Variants in CTNNA3 observed in about 807,000 individuals in gnomAD.
The protein encoded by CTNNA3 is catenin alpha-3.
In CTNNA3, 76 loss-of-function variants were observed where a neutral mutation model predicts 95.7. The ratio of observed to expected loss-of-function variants is 0.79; its 90% CI spans 0.66 to 0.96. The LOEUF (loss-of-function observed/expected upper bound fraction) is 0.96, where lower values mean the gene tolerates loss of function less well. Among genes scored for constraint, CTNNA3 ranks in the 40% least tolerant of loss-of-function variants. The probability of loss-of-function intolerance (pLI) is 0.00; values close to 1 mark genes in which losing one functional copy is unlikely to be tolerated. For missense variants in CTNNA3, 1,191 were observed against 1,089.8 expected, an observed-to-expected ratio of 1.09 and a Z score of -1.31; for synonymous variants, 431 against 374.4, an observed-to-expected ratio of 1.15 and a Z score of -1.74.
At chr10:67,022,338 T>A (rs1249881593) in intron 7 of CTNNA3, among the ~76,000 whole-genome samples, 2 of 152,068 alleles carry the variant, frequency 1.3e-5, no homozygotes, top group African/African-American at 4.8e-5. Flanking sequence ...TGCCTCTGTG[T>A]GTGTGTGTGT....
rs1350988516 is a variant in CTNNA3, at chr10:67,744,105, C to A, written c.-2+19329G>T. Among the ~76,000 whole-genome samples, 2 of 151,240 alleles carry A rather than the reference C, an allele frequency of 1.3e-5. 1 individual carries two copies. The highest frequency in any genetic ancestry group is 3.0e-5 in the Non-Finnish European group (2 of 67,724). ...AGGTAATTTATAGATTCAATGCCAT[C>A]CCCATCAAGCTGCCAATGACTTTCT... On this transcript the variant is annotated intron_variant, in intron 1 of 17. Coordinates refer to the CTNNA3 transcript ENST00000684154.
At chr10:66,039,510 T>C (rs10822699) in intron 15 of CTNNA3, among the ~76,000 whole-genome samples, 38,516 of 152,086 alleles carry the variant, frequency 0.25, 4,991 homozygotes, top group South Asian at 0.32. Flanking sequence ...AACAGCATGG[T>C]AATGGTACAA....
chr10:66,784,911 T>C (rs926360520), intron 7 of CTNNA3, among the ~76,000 whole-genome samples: 1 of 152,186 alleles, frequency 6.6e-6, no homozygotes, highest in Non-Finnish European at 1.5e-5. Flanking sequence ...CAGCTGAGAT[T>C]CAGTGGACAC....
intron 7 of CTNNA3, among the ~76,000 whole-genome samples, chr10:66,832,946 G>A (rs1279630598): frequency 6.6e-6 from 1 of 152,068 alleles, no homozygotes; most frequent in Non-Finnish European, 1.5e-5. Flanking sequence ...ATTTGAGCTT[G>A]TAGACACCTA....
intron 2 of CTNNA3, among the ~76,000 whole-genome samples, chr10:67,617,538 C>G (rs1843692930): frequency 6.6e-6 from 1 of 152,008 alleles, no homozygotes; most frequent in South Asian, 2.1e-4. Flanking sequence ...CATGACTTTG[C>G]TATTGTGAAT....
chr10:67,566,035 GTGTGTGTGTATATATATATATA>G, intron 3 of CTNNA3, among the ~76,000 whole-genome samples: 1 of 35,484 alleles, frequency 2.8e-5, no homozygotes, highest in Non-Finnish European at 4.7e-5. Flanking sequence ...ACACACATAT[GTGTGTGTGTATATATATATATA>G]TATATATATA....
At chr10:66,735,944 G>A (rs1219264941) in intron 9 of CTNNA3, among the ~76,000 whole-genome samples, 1 of 152,130 alleles carries the variant, frequency 6.6e-6, no homozygotes, top group South Asian at 2.1e-4. Context: ...CCCTCTCCAC[G>A]TGTCTTGTGT....
intron 9 of CTNNA3, among the ~76,000 whole-genome samples, chr10:66,636,676 G>A (rs566327005): frequency 6.6e-4 from 100 of 152,084 alleles, no homozygotes; most frequent in African/African-American, 2.2e-3. Context: ...TATTTTTCAC[G>A]TTGTCTTCTC....
At chr10:66,721,688 G>A (rs1024217051) in intron 9 of CTNNA3, among the ~76,000 whole-genome samples, 2 of 152,182 alleles carry the variant, frequency 1.3e-5, no homozygotes, top group Non-Finnish European at 2.9e-5. Flanking sequence ...GCTGGGGAAT[G>A]TTTGGGAGAC....
At chr10:66,094,816 T>C (rs1003357844) in intron 14 of CTNNA3, among the ~76,000 whole-genome samples, 2 of 152,122 alleles carry the variant, frequency 1.3e-5, no homozygotes, top group Non-Finnish European at 2.9e-5. Flanking sequence ...TTTGGTGCAA[T>C]TCTTCTTTGA....
At chr10:67,276,113 C>G (rs1290177804) in intron 5 of CTNNA3, among the ~76,000 whole-genome samples, 1 of 152,120 alleles carries the variant, frequency 6.6e-6, no homozygotes, top group Non-Finnish European at 1.5e-5. Context: ...CAAGACTGGC[C>G]ATTCATTGTC....
intron 12 of CTNNA3, among the ~76,000 whole-genome samples, chr10:66,367,567 A>G (rs1258290845): frequency 3.3e-5 from 5 of 149,862 alleles, no homozygotes; most frequent in African/African-American, 1.2e-4. Flanking sequence ...CAAAACCAGC[A>G]TAACAGATGT....
chr10:66,837,833 C>T (rs1490391780), intron 7 of CTNNA3: 2 of 152,000 alleles, frequency 1.3e-5, no homozygotes, highest in East Asian at 1.9e-4. Context: ...TTATTATATG[C>T]CATGTACATA....
chr10:66,537,680 C>T (rs935293888), intron 10 of CTNNA3, among the ~76,000 whole-genome samples: 1 of 151,060 alleles, frequency 6.6e-6, no homozygotes, highest in Admixed American at 6.6e-5. Flanking sequence ...GGAGTCTTAG[C>T]CAGGTGCAGT....
chr10:66,053,510 CT>C (rs1279215243), intron 15 of CTNNA3, among the ~76,000 whole-genome samples: 2 of 151,996 alleles, frequency 1.3e-5, no homozygotes, highest in Non-Finnish European at 2.9e-5. Context: ...CAATTATACT[CT>C]TCATTTTAAA....
At chr10:66,282,023 C>T (rs1359199382) in intron 12 of CTNNA3, among the ~76,000 whole-genome samples, 1 of 151,970 alleles carries the variant, frequency 6.6e-6, no homozygotes, top group South Asian at 2.1e-4. Context: ...TAGTCATACT[C>T]ATCCCATTTC....
At chr10:67,701,794 A>T (rs973531454) in intron 1 of CTNNA3, among the ~76,000 whole-genome samples, 14 of 151,480 alleles carry the variant, frequency 9.2e-5, no homozygotes, top group Non-Finnish European at 1.2e-4. Flanking sequence ...TTAAATGTAA[A>T]TGGACTAAAT....
intron 7 of CTNNA3, among the ~76,000 whole-genome samples, chr10:67,113,867 A>G (rs967209481): frequency 1.3e-5 from 2 of 152,192 alleles, no homozygotes; most frequent in Non-Finnish European, 2.9e-5. Context: ...GAAAATACTT[A>G]AAAAGAATTT....
chr10:66,900,488 C>T (rs1409237354), intron 7 of CTNNA3, among the ~76,000 whole-genome samples: 10 of 152,110 alleles, frequency 6.6e-5, no homozygotes, highest in East Asian at 1.9e-4. Flanking sequence ...CACAGCTCCT[C>T]GCCAGCAATG....
Sources: allele counts gnomAD v4.1 joint callset (sites outside exome capture counted in the v4.1 genomes callset), GRCh38; gene constraint gnomAD v4.1.1; transcripts MANE v1.5; gene names NCBI Gene and HGNC (gene_info 2026-07-23, HGNC 2026-07-21).